The following ACTR3B variants were observed in gnomAD, a reference collection of about 807,000 sequenced individuals.
ACTR3B encodes actin related protein 3B, also known as actin-related protein 3B.
ACTR3B carries 8 observed loss-of-function variants against 59.0 expected under a neutral mutation model. The observed-to-expected ratio is 0.14, with a 90% confidence interval of 0.08 to 0.24. The LOEUF (loss-of-function observed/expected upper bound fraction) is 0.24, where lower values mean the gene tolerates loss of function less well. Ranked by LOEUF, ACTR3B falls within the 10% of genes least tolerant of loss-of-function variation. The probability of loss-of-function intolerance (pLI) is 1.00; values close to 1 mark genes in which losing one functional copy is unlikely to be tolerated. For synonymous variants in ACTR3B, 148 were observed against 197.9 expected (o/e 0.75, Z 2.12); for missense variants, 245 against 552.3 (o/e 0.44, Z 5.58).
intron 1 of ACTR3B, among the ~76,000 whole-genome samples, chr7:152,763,016 G>A (rs1173016753): frequency 6.6e-6 from 1 of 152,024 alleles, no homozygotes; most frequent in Non-Finnish European, 1.5e-5. Flanking sequence ...ATTTTTCTTT[G>A]TAATTAATAA....
chr7:152,789,064 A>AACAAC (rs374527960), intron 2 of ACTR3B, among the ~76,000 whole-genome samples: 4,537 of 136,100 alleles, frequency 0.033, 84 homozygotes, highest in African/African-American at 0.079. Flanking sequence ...CAGCAACAAC[A>AACAAC]AACAACAACA....
At chr7:152,764,403 T>TG (rs1325606992) in intron 1 of ACTR3B, among the ~76,000 whole-genome samples, 1 of 151,936 alleles carries the variant, frequency 6.6e-6, no homozygotes. Flanking sequence ...GCCGAGGATG[T>TG]GGATCACGAC....
At chr7:152,775,023 C>T (rs2098132983) in intron 1 of ACTR3B, among the ~76,000 whole-genome samples, 1 of 151,946 alleles carries the variant, frequency 6.6e-6, no homozygotes, top group South Asian at 2.1e-4. Flanking sequence ...GAACTTCTCA[C>T]AGGACACAGT....
rs1300498016 is a variant in ACTR3B at position 152,824,961 on chromosome 7, A to G, written c.859-69A>G. ...TTGTATATTTGTTAAAGTTACTTTA[A>G]AGAAGTGTGCATGTTGTTCTATTTG... On this transcript the variant is annotated intron_variant, in intron 8 of 11. Transcript: ENST00000256001. This position sits in a 1 kb window ranked among gnomAD's most constrained non-coding sequence, Gnocchi z 4.2. The G allele has an allele frequency of 4.7e-6, 7 of 1,490,944 alleles. No homozygotes were observed. The highest frequency in any genetic ancestry group is 6.4e-6 in the Non-Finnish European group (7 of 1,093,472). The allele number at this position is 1,490,944 out of a possible 1,614,324, so 92.4% of individuals were successfully genotyped here. A position where few individuals can be genotyped will look rare whatever the true frequency, so the allele number is the denominator to read the frequency against.
chr7:152,798,327 A>T (rs548961711), intron 2 of ACTR3B, among the ~76,000 whole-genome samples: 26 of 152,024 alleles, frequency 1.7e-4, no homozygotes, highest in Middle Eastern at 3.4e-3. Flanking sequence ...GGCCATTTGT[A>T]TGTCTTCTTT....
chr7:152,778,943 C>CAAA lies in ACTR3B; in HGVS notation c.45-4204_45-4202dup, dbSNP rs59789390. 6.8e-4 allele frequency among the ~76,000 whole-genome samples: 25 copies of CAAA among 36,824 alleles called. 3 individuals carry two copies. The highest frequency in any genetic ancestry group is 1.2e-3 in the South Asian group (1 of 806). The allele number at this position is 36,824 out of a possible 152,430, so 24.2% of individuals were successfully genotyped here. ...GGGTGACAGAGTGAGACTGTGTCTC[C>CAAA]AAAAAAAAAAAAAAAAAAAAAAAAA... On this transcript the variant is annotated intron_variant, in intron 1 of 11. Transcript: ENST00000256001.
rs756444090 is a variant in ACTR3B, at chr7:152,854,559, G to A, written c.*6G>A. ...TCTTTGGAGTCATGTCCTAGTGTCTGCCTGAACGCGTCGTTCGATGGTGTC... is the reference window on the plus strand; with the variant it reads ...TCTTTGGAGTCATGTCCTAGTGTCTACCTGAACGCGTCGTTCGATGGTGTC... On this transcript the variant is annotated 3_prime_UTR_variant, in exon 12 of 12. Coordinates refer to ENST00000256001, the MANE Select transcript of ACTR3B (RefSeq NM_020445.6). This position sits in a 1 kb window ranked among gnomAD's most constrained non-coding sequence, Gnocchi z 4.9. 3 of 1,613,562 alleles carry A rather than the reference G, an allele frequency of 1.9e-6. No individual in the cohort carries two copies. Among genetic ancestry groups the A allele is most frequent in the Middle Eastern group, 1.7e-4 (1 of 5,916 alleles).
intron 1 of ACTR3B, among the ~76,000 whole-genome samples, chr7:152,762,218 A>G (rs1284090555): frequency 6.6e-6 from 1 of 152,210 alleles, no homozygotes; most frequent in Non-Finnish European, 1.5e-5. Flanking sequence ...ATATGGACAA[A>G]GGGATCTGCT....
intron 1 of ACTR3B, among the ~76,000 whole-genome samples, chr7:152,772,317 G>A (rs1057127296): frequency 2.7e-5 from 4 of 146,038 alleles, no homozygotes; most frequent in African/African-American, 1.0e-4. Context: ...CCAGGAGTTG[G>A]AGAACAGCCT....
chr7:152,825,680 T>C (rs988102389), intron 9 of ACTR3B, among the ~76,000 whole-genome samples: 2 of 152,172 alleles, frequency 1.3e-5, no homozygotes, highest in Admixed American at 1.3e-4. Context: ...TATTTTAAGG[T>C]GGACAGTTTT....
At chr7:152,796,079 A>T (rs952618599) in intron 2 of ACTR3B, among the ~76,000 whole-genome samples, 136 of 152,086 alleles carry the variant, frequency 8.9e-4, no homozygotes, top group Non-Finnish European at 1.8e-3. Flanking sequence ...TCCTGATCTC[A>T]GGTGATCTAC....
At chr7:152,822,754 T>TAC (rs1024832784) in intron 7 of ACTR3B, among the ~76,000 whole-genome samples, 4 of 152,232 alleles carry the variant, frequency 2.6e-5, no homozygotes, top group African/African-American at 9.7e-5. Flanking sequence ...GTCAACAAGG[T>TAC]ACACTGTCTC....
intron 1 of ACTR3B, among the ~76,000 whole-genome samples, chr7:152,770,589 C>T (rs559125213): frequency 7.4e-4 from 112 of 151,940 alleles, no homozygotes; most frequent in African/African-American, 2.5e-3. Context: ...AGGCATTTCC[C>T]CTTAAACCCG....
intron 2 of ACTR3B, among the ~76,000 whole-genome samples, chr7:152,791,895 T>A (rs1293672440): frequency 6.6e-6 from 1 of 152,140 alleles, no homozygotes; most frequent in Non-Finnish European, 1.5e-5. Context: ...ACTCATACAG[T>A]GTGTGCCTTT....
intron 10 of ACTR3B, among the ~76,000 whole-genome samples, chr7:152,853,286 C>G (rs1798978071): frequency 6.6e-6 from 1 of 151,732 alleles, no homozygotes; most frequent in Admixed American, 6.6e-5. Flanking sequence ...GCACTGTGTT[C>G]CTTTGAGCGC....
At chr7:152,785,366 G>C (rs2098168008) in intron 2 of ACTR3B, among the ~76,000 whole-genome samples, 1 of 39,944 alleles carries the variant, frequency 2.5e-5, no homozygotes, top group African/African-American at 1.1e-4. Context: ...TTGTTGGGCT[G>C]AGTTTGTTGT....
intron 1 of ACTR3B, among the ~76,000 whole-genome samples, 200 bp downstream of exon 1, chr7:152,760,126 G>T (rs2117084915): frequency 6.6e-6 from 1 of 152,252 alleles, no homozygotes; most frequent in East Asian, 1.9e-4. Context: ...TGCCGGGAAG[G>T]GCCACAAGAG....
intron 1 of ACTR3B, among the ~76,000 whole-genome samples, chr7:152,767,591 A>T (rs116868012): frequency 3.5e-4 from 54 of 152,194 alleles, no homozygotes; most frequent in Non-Finnish European, 5.0e-4. Flanking sequence ...GAGCATCATT[A>T]TCTGTATAAT....
chr7:152,815,583 T>C (rs189966274), intron 5 of ACTR3B, among the ~76,000 whole-genome samples: 2 of 152,362 alleles, frequency 1.3e-5, no homozygotes, highest in African/African-American at 4.8e-5. Flanking sequence ...TAGTCCTTTG[T>C]TGTGGGCGCC....
Sources: allele counts gnomAD v4.1 joint callset (sites outside exome capture counted in the v4.1 genomes callset), GRCh38; gene constraint gnomAD v4.1.1; non-coding constraint Gnocchi (gnomAD v3.1); transcripts MANE v1.5; gene names NCBI Gene and HGNC (gene_info 2026-07-23, HGNC 2026-07-21).